CCDC91: variants seen among roughly 807,000 people sequenced by gnomAD.
CCDC91 encodes the protein coiled-coil domain-containing protein 91.
In CCDC91, 48 loss-of-function variants were observed where a neutral mutation model predicts 63.2. That is an observed-to-expected ratio of 0.76 (90% CI 0.60 to 0.97). The LOEUF is 0.97. Among genes scored for constraint, CCDC91 ranks in the 50% least tolerant of loss-of-function variants. The pLI is 0.00. For missense variants in CCDC91, 500 were observed against 494.6 expected (o/e 1.01, Z -0.10); for synonymous variants, 167 against 165.8 (o/e 1.01, Z -0.06).
chr12:28,249,288 A>T (rs1944219448), intron 1 of CCDC91, among the ~76,000 whole-genome samples: 1 of 152,144 alleles, frequency 6.6e-6, no homozygotes, highest in African/African-American at 2.4e-5. Context: ...AAGACAGGTA[A>T]TTGGATATTA....
chr12:28,271,418 A>G (rs529047205), intron 3 of CCDC91, among the ~76,000 whole-genome samples: 2 of 152,186 alleles, frequency 1.3e-5, no homozygotes, highest in South Asian at 4.1e-4. Flanking sequence ...GAAGTATTCC[A>G]GGCTATGATT....
At chr12:28,521,200 A>C (rs557581369) in intron 12 of CCDC91, among the ~76,000 whole-genome samples, 1 of 152,298 alleles carries the variant, frequency 6.6e-6, no homozygotes, top group South Asian at 2.1e-4. Flanking sequence ...ATTCCTATCC[A>C]TGAGCATGGA....
At chr12:28,286,639 T>C (rs965133444) in intron 3 of CCDC91, among the ~76,000 whole-genome samples, 9 of 152,240 alleles carry the variant, frequency 5.9e-5, no homozygotes, top group African/African-American at 2.2e-4. Flanking sequence ...TGATCCCATG[T>C]CTTTGCTATT....
chr12:28,340,712 A>G (rs1267330344), intron 6 of CCDC91, among the ~76,000 whole-genome samples: 1 of 152,154 alleles, frequency 6.6e-6, no homozygotes, highest in African/African-American at 2.4e-5. Flanking sequence ...CTCCAACCCC[A>G]TGGCAGTGTC....
chr12:28,267,825 T>A (rs1189433874), intron 3 of CCDC91, among the ~76,000 whole-genome samples: 1,497 of 28,346 alleles, frequency 0.053, 286 homozygotes, highest in Middle Eastern at 0.067. Context: ...ATTATATTAT[T>A]AATATATAAT....
rs571241034 is a variant in CCDC91, at chr12:28,528,331, C to T, written c.1216-20732C>T. On this transcript the variant is annotated intron_variant, in intron 12 of 12. Transcript: ENST00000536442. ...TTGCTTCCTCTACCTCTGTATTTCC[C>T]TTGGCTCTCTAAATTGACTCAGTTC... 6.8e-4 allele frequency among the ~76,000 whole-genome samples: 104 copies of T among 152,292 alleles called. 1 individual carries two copies. Among genetic ancestry groups the T allele is most frequent in the African/African-American group, 2.3e-3 (96 of 41,576 alleles).
intron 1 of CCDC91, among the ~76,000 whole-genome samples, chr12:28,210,194 G>A (rs1302186698): frequency 6.6e-6 from 1 of 152,178 alleles, no homozygotes; most frequent in Non-Finnish European, 1.5e-5. Flanking sequence ...TTAAAGTCAA[G>A]GCAGTGTATG....
chr12:28,321,535 G>C, intron 6 of CCDC91, among the ~76,000 whole-genome samples: 1 of 151,820 alleles, frequency 6.6e-6, no homozygotes, highest in Non-Finnish European at 1.5e-5. Flanking sequence ...TGAGGCCTTT[G>C]GGAGTAAATT....
chr12:28,478,309 A>G (rs554681191), intron 11 of CCDC91, among the ~76,000 whole-genome samples: 1 of 152,152 alleles, frequency 6.6e-6, no homozygotes, highest in Non-Finnish European at 1.5e-5. Context: ...ATAATGCCGC[A>G]TATCTACAAC....
intron 3 of CCDC91, among the ~76,000 whole-genome samples, chr12:28,288,486 G>A (rs1949034924): frequency 1.1e-5 from 1 of 93,892 alleles, no homozygotes; most frequent in African/African-American, 3.4e-5. Flanking sequence ...GTTCTATATA[G>A]GTGATGAATC....
chr12:28,267,890 AATTATATATAATTAT>A (rs1178206199), intron 3 of CCDC91, among the ~76,000 whole-genome samples: 2 of 53,748 alleles, frequency 3.7e-5, no homozygotes, highest in African/African-American at 1.1e-4. Context: ...TAATTATTAT[AATTATATATAATTAT>A]ATTATATATA....
intron 3 of CCDC91, among the ~76,000 whole-genome samples, chr12:28,260,332 G>A (rs531862980): frequency 6.6e-6 from 1 of 152,032 alleles, no homozygotes; most frequent in East Asian, 1.9e-4. Context: ...TCTGAAGGGT[G>A]CATATAATTT....
At chr12:28,336,798 T>G (rs1381467610) in intron 6 of CCDC91, among the ~76,000 whole-genome samples, 5 of 152,128 alleles carry the variant, frequency 3.3e-5, no homozygotes, top group Non-Finnish European at 1.5e-5. Flanking sequence ...TTCCCATTCC[T>G]GAAAGTAGAG....
chr12:28,512,965 C>T (rs1313596598), intron 12 of CCDC91, among the ~76,000 whole-genome samples: 1 of 151,792 alleles, frequency 6.6e-6, no homozygotes, highest in Non-Finnish European at 1.5e-5. Flanking sequence ...TAAGTCTCAG[C>T]TATGCTGTAA....
chr12:28,403,021 T>A (rs1722463168), intron 8 of CCDC91, among the ~76,000 whole-genome samples: 1 of 152,216 alleles, frequency 6.6e-6, no homozygotes, highest in African/African-American at 2.4e-5. Flanking sequence ...ATGATTCTTT[T>A]GCTATGCTGC....
At chr12:28,305,958 T>A in intron 4 of CCDC91, 152 bp downstream of exon 4, 1 of 655,354 alleles carries the variant, frequency 1.5e-6, no homozygotes, top group Non-Finnish European at 2.5e-6. Context: ...ATACTTAGAA[T>A]TCAAAAAAAC....
At chr12:28,443,879 A>C (rs577867551) in intron 8 of CCDC91, among the ~76,000 whole-genome samples, 1 of 152,374 alleles carries the variant, frequency 6.6e-6, no homozygotes, top group Non-Finnish European at 1.5e-5. Flanking sequence ...AGTTATAAAA[A>C]TTAATAAATG....
intron 11 of CCDC91, among the ~76,000 whole-genome samples, chr12:28,453,964 C>T (rs1487738626): frequency 1.3e-5 from 2 of 152,064 alleles, no homozygotes; most frequent in African/African-American, 2.4e-5. Flanking sequence ...AAAGAGCACA[C>T]TTCTCTGCTG....
chr12:28,287,648 G>T (rs1340911249), intron 3 of CCDC91, among the ~76,000 whole-genome samples: 1 of 152,068 alleles, frequency 6.6e-6, no homozygotes, highest in Non-Finnish European at 1.5e-5. Flanking sequence ...GTAGCATAAT[G>T]CCTCCAGTTT....
Sources: gnomAD v4.1 joint callset for allele counts (sites outside exome capture counted in the v4.1 genomes callset) on GRCh38, gnomAD v4.1.1 for gene constraint, MANE v1.5 for transcripts, NCBI Gene and HGNC (gene_info 2026-07-23, HGNC 2026-07-21) for gene names.